The following PSD3 variants were observed in gnomAD, a reference collection of about 807,000 sequenced individuals.
PSD3 encodes the protein PH and SEC7 domain-containing protein 3.
A neutral mutation model predicts 105.5 loss-of-function variants in PSD3; 49 were observed. The observed-to-expected ratio is 0.46, with a 90% CI of 0.37 to 0.59. The LOEUF is 0.59. PSD3 is among the 20% of genes least tolerant of loss of function. PSD3 has a pLI of 0.00. For missense variants in PSD3, 1,561 were observed against 1,263.8 expected, an observed-to-expected ratio of 1.24 and a Z score of -3.57; for synonymous variants, 557 against 457.8, an observed-to-expected ratio of 1.22 and a Z score of -2.77.
chr8:18,778,051 A>G (rs1317314506), intron 8 of PSD3, among the ~76,000 whole-genome samples: 2 of 152,210 alleles, frequency 1.3e-5, no homozygotes, highest in African/African-American at 2.4e-5. Flanking sequence ...AAGTTGATGG[A>G]CACAGATTAA....
intron 8 of PSD3, among the ~76,000 whole-genome samples, chr8:18,787,204 G>T (rs922058596): frequency 6.6e-6 from 1 of 152,112 alleles, no homozygotes; most frequent in Non-Finnish European, 1.5e-5. Flanking sequence ...GGATAACTTT[G>T]CATAAAAGTA....
chr8:18,934,578 T>C (rs777189852), intron 2 of PSD3, among the ~76,000 whole-genome samples: 8 of 149,872 alleles, frequency 5.3e-5, no homozygotes, highest in Non-Finnish European at 7.4e-5. Flanking sequence ...GCCCGGCTAA[T>C]TTTTTTTTTA....
At chr8:18,879,425 T>A (rs562639994) in intron 2 of PSD3, among the ~76,000 whole-genome samples, 3 of 152,202 alleles carry the variant, frequency 2.0e-5, no homozygotes, top group African/African-American at 7.2e-5. Flanking sequence ...AGACAAATGT[T>A]CTGAGAGGCG....
chr8:18,653,884 T>C (rs1808701716), intron 10 of PSD3, among the ~76,000 whole-genome samples: 1 of 152,208 alleles, frequency 6.6e-6, no homozygotes, highest in Non-Finnish European at 1.5e-5. Flanking sequence ...AATATGATGA[T>C]GCCATTTTTA....
At chr8:18,838,427 T>C (rs537534195) in intron 4 of PSD3, among the ~76,000 whole-genome samples, 3 of 152,314 alleles carry the variant, frequency 2.0e-5, no homozygotes, top group Admixed American at 2.0e-4. Flanking sequence ...TATTATTCAG[T>C]AAATGTATCC....
At chr8:19,004,337 A>G (rs1223975560) in intron 1 of PSD3, among the ~76,000 whole-genome samples, 1 of 152,072 alleles carries the variant, frequency 6.6e-6, no homozygotes, top group African/African-American at 2.4e-5. Flanking sequence ...CCAGATATTT[A>G]AAAAACAATA....
At chr8:19,065,476 T>C in intron 1 of PSD3, among the ~76,000 whole-genome samples, 1 of 152,212 alleles carries the variant, frequency 6.6e-6, no homozygotes, top group East Asian at 1.9e-4. Flanking sequence ...ACCAGTTTTA[T>C]GTCTGGGCCT....
chr8:18,689,311 A>G lies in PSD3; in HGVS notation c.2173-33626T>C, dbSNP rs80144768. Among the ~76,000 whole-genome samples the G allele has an allele frequency of 4.6e-3, 703 of 152,342 alleles. 32 individuals are homozygous for G. The East Asian group carries it at 0.096, about 21-fold the overall frequency. On this transcript the variant is annotated intron_variant, in intron 9 of 15. Coordinates refer to ENST00000327040, the MANE Select transcript of PSD3 (RefSeq NM_015310.4). Reference sequence around the variant, plus strand: ...AATGATGAATATCTTCAGAGTATCAATGAACTGAAAGGCTTTCAGATCCCA... The same window carrying G: ...AATGATGAATATCTTCAGAGTATCAGTGAACTGAAAGGCTTTCAGATCCCA...
intron 1 of PSD3, among the ~76,000 whole-genome samples, chr8:18,947,550 G>A (rs1041902869): frequency 2.0e-5 from 3 of 152,188 alleles, no homozygotes; most frequent in African/African-American, 4.8e-5. Context: ...AGGGAGCGGC[G>A]GCCATATGGG....
chr8:18,808,979 T>A, intron 4 of PSD3: 1 of 1,378,102 alleles, frequency 7.3e-7, no homozygotes, highest in Non-Finnish European at 9.5e-7. Context: ...TTTCTGCAGT[T>A]CTAATAAAAA....
At chr8:18,665,689 GA>G (rs1799409831) in intron 9 of PSD3, among the ~76,000 whole-genome samples, 1 of 152,300 alleles carries the variant, frequency 6.6e-6, no homozygotes, top group Non-Finnish European at 1.5e-5. Context: ...AATCTTTCAT[GA>G]AAGAGTCTAC....
At chr8:18,563,525 G>C in intron 14 of PSD3, among the ~76,000 whole-genome samples, 1 of 152,102 alleles carries the variant, frequency 6.6e-6, no homozygotes, top group African/African-American at 2.4e-5. Flanking sequence ...TTAGAATACA[G>C]AACACCTGTC....
intron 11 of PSD3, among the ~76,000 whole-genome samples, chr8:18,623,448 C>CA (rs1415289898): frequency 5.9e-5 from 4 of 67,476 alleles, no homozygotes; most frequent in Admixed American, 3.7e-4. Context: ...CCCGTCTCCC[C>CA]AAAAAAAAAA....
At chr8:18,905,914 GAAAC>G (rs1819816231) in intron 2 of PSD3, among the ~76,000 whole-genome samples, 1 of 152,076 alleles carries the variant, frequency 6.6e-6, no homozygotes, top group Non-Finnish European at 1.5e-5. Flanking sequence ...GATGAAAAAA[GAAAC>G]AAAGTATAAA....
At chr8:18,695,879 C>G (rs756050757) in intron 9 of PSD3, among the ~76,000 whole-genome samples, 2 of 152,152 alleles carry the variant, frequency 1.3e-5, no homozygotes, top group Non-Finnish European at 2.9e-5. Flanking sequence ...GATAAATTAA[C>G]AATGATAACT....
At chr8:18,771,772 A>G (rs1461959534) in intron 8 of PSD3, among the ~76,000 whole-genome samples, 1 of 152,224 alleles carries the variant, frequency 6.6e-6, no homozygotes, top group Admixed American at 6.5e-5. Flanking sequence ...TAACAGTTTT[A>G]AGCATTCAGT....
At position 18,632,721 on chromosome 8, in the gene PSD3, C is replaced by T; in HGVS notation, c.2302G>A (p.Gly768Arg). The T allele has an allele frequency of 1.2e-6, 2 of 1,609,188 alleles. No individual in the cohort carries two copies. Among genetic ancestry groups the T allele is most frequent in the Middle Eastern group, 1.7e-4 (1 of 6,040 alleles). The change falls in exon 11 of 16, where the codon GGA (glycine) becomes AGA (arginine). Residue 768 changes from glycine (G) to arginine (R), a missense_variant. Physicochemically the swap from Gly to Arg is moderately radical, Grantham distance 125. Transcript: ENST00000327040. ...TCCAAAAATGGGTTAGTAGTACTTCCAATACGACTGATGGTCTTTGGATGT... is the reference window on the plus strand; with the variant it reads ...TCCAAAAATGGGTTAGTAGTACTTCTAATACGACTGATGGTCTTTGGATGT... ...GTHPKTISRI[G>R]STTNPFLDIP... is the part of the protein sequence containing the mutation.
intron 9 of PSD3, among the ~76,000 whole-genome samples, chr8:18,759,092 ACTCTCTCT>A (rs748135836): frequency 2.8e-5 from 4 of 143,864 alleles, no homozygotes; most frequent in African/African-American, 7.6e-5. Flanking sequence ...ACACACACAC[ACTCTCTCT>A]CTCTCTCTCT....
intron 6 of PSD3, chr8:18,802,469 A>G (rs1445592789): frequency 4.0e-6 from 1 of 247,164 alleles, no homozygotes; most frequent in Non-Finnish European, 8.6e-6. Flanking sequence ...CTTCCTTATT[A>G]TAGGTATAAT....
Sources: allele counts gnomAD v4.1 joint callset (sites outside exome capture counted in the v4.1 genomes callset), GRCh38; gene constraint gnomAD v4.1.1; transcripts MANE v1.5; gene names NCBI Gene and HGNC (gene_info 2026-07-23, HGNC 2026-07-21).